The following BCAS3 variants were observed in gnomAD, a reference collection of about 807,000 sequenced individuals.
BCAS3 encodes BCAS3 microtubule associated cell migration factor.
Under a neutral mutation model 116.1 loss-of-function variants are expected in BCAS3, and 53 were observed. The ratio of observed to expected loss-of-function variants is 0.46; its 90% CI spans 0.37 to 0.57. BCAS3 has a LOEUF of 0.57. Ranked by LOEUF, BCAS3 falls within the 20% of genes least tolerant of loss-of-function variation. The pLI is 0.00. For synonymous variants in BCAS3, 391 were observed against 408.2 expected, an observed-to-expected ratio of 0.96 and a Z score of 0.51; for missense variants, 917 against 1,165.4, an observed-to-expected ratio of 0.79 and a Z score of 3.10.
At chr17:60,771,549 G>T (rs9906279) in intron 6 of BCAS3, among the ~76,000 whole-genome samples, 3 of 151,792 alleles carry the variant, frequency 2.0e-5, no homozygotes, top group Non-Finnish European at 4.4e-5. Flanking sequence ...TTAGTGACGG[G>T]TATCTTTTTT....
chr17:60,775,721 G>T (rs982232015), intron 6 of BCAS3, among the ~76,000 whole-genome samples: 1 of 152,110 alleles, frequency 6.6e-6, no homozygotes, highest in Non-Finnish European at 1.5e-5. Flanking sequence ...CAAAAACCGT[G>T]TGTGCAAAGG....
At chr17:60,735,229 A>G (rs984390033) in intron 5 of BCAS3, among the ~76,000 whole-genome samples, 8 of 151,986 alleles carry the variant, frequency 5.3e-5, no homozygotes, top group Admixed American at 2.0e-4. Flanking sequence ...AATCATTTGT[A>G]TTTTATACAT....
intron 22 of BCAS3, among the ~76,000 whole-genome samples, chr17:61,250,823 C>T (rs2048314670): frequency 6.6e-6 from 1 of 152,186 alleles, no homozygotes; most frequent in Non-Finnish European, 1.5e-5. Flanking sequence ...GAGTGATCAA[C>T]CAGGTAATCT....
rs1043363821 is a variant in BCAS3, at chr17:60,809,237, T to C, written c.476+1161T>C. On this transcript the variant is annotated intron_variant, in intron 7 of 23. Coordinates refer to ENST00000407086, the MANE Select transcript of BCAS3 (RefSeq NM_017679.5). ...AGGCAGAGGTTGCAGTGCACCACTG[T>C]ACTCCAGCCTGGGCAACAGTGAGAC... is the stretch of plus-strand genomic sequence containing the variant. Among the ~76,000 whole-genome samples, 39 of 148,914 alleles carry C rather than the reference T, an allele frequency of 2.6e-4. 1 individual carries two copies. The highest frequency in any genetic ancestry group is 8.8e-4 in the African/African-American group (35 of 39,950).
intron 22 of BCAS3, among the ~76,000 whole-genome samples, chr17:61,260,465 G>A (rs773141049): frequency 3.9e-5 from 6 of 152,194 alleles, no homozygotes; most frequent in South Asian, 4.1e-4. Flanking sequence ...CAATGGGAAC[G>A]TGTTATAAAA....
chr17:61,102,824 G>T (rs1431935884), intron 22 of BCAS3, among the ~76,000 whole-genome samples: 1 of 152,004 alleles, frequency 6.6e-6, no homozygotes, highest in Non-Finnish European at 1.5e-5. Flanking sequence ...ACATAACAAG[G>T]ACTCATTAAA....
At chr17:61,322,830 C>G (rs34580870) in intron 22 of BCAS3, among the ~76,000 whole-genome samples, 6,365 of 73,382 alleles carry the variant, frequency 0.087, 12 homozygotes, top group African/African-American at 0.12. Context: ...GAGAGAGAGA[C>G]AGAGAGAGAG....
chr17:60,687,711 C>G lies in BCAS3; in HGVS notation c.139-1975C>G, dbSNP rs1041454161. Among the ~76,000 whole-genome samples the G allele has an allele frequency of 8.6e-5, 13 of 151,988 alleles. No individual in the cohort carries two copies. The South Asian group carries it at 2.7e-3, about 32-fold the overall frequency. On this transcript the variant is annotated intron_variant, in intron 3 of 23. Transcript: ENST00000407086. ...CTGTGTCTTACTGAGAATAAAATATCTAAGCATGGGAAAAGGAGATCATAA... is the reference window on the plus strand; with the variant it reads ...CTGTGTCTTACTGAGAATAAAATATGTAAGCATGGGAAAAGGAGATCATAA...
chr17:60,913,405 AT>A (rs1228142194), intron 12 of BCAS3, among the ~76,000 whole-genome samples: 1 of 152,098 alleles, frequency 6.6e-6, no homozygotes, highest in African/African-American at 2.4e-5. Context: ...ATTTTAAAAA[AT>A]ATATATAATT....
At chr17:61,018,542 T>C (rs1371102958) in intron 16 of BCAS3, among the ~76,000 whole-genome samples, 1 of 152,102 alleles carries the variant, frequency 6.6e-6, no homozygotes, top group Non-Finnish European at 1.5e-5. Context: ...CCTCAAGTGA[T>C]CCACCTGCCT....
intron 7 of BCAS3, among the ~76,000 whole-genome samples, chr17:60,850,505 C>T (rs1007920015): frequency 6.6e-6 from 1 of 151,658 alleles, no homozygotes; most frequent in Non-Finnish European, 1.5e-5. Flanking sequence ...ATTACAGGCA[C>T]CCGCCACCAC....
intron 6 of BCAS3, among the ~76,000 whole-genome samples, chr17:60,790,768 G>A (rs1459589960): frequency 9.6e-5 from 12 of 125,340 alleles, no homozygotes; most frequent in African/African-American, 3.5e-4. Flanking sequence ...TTTTGAGATA[G>A]AGTCTTGCTC....
At chr17:61,240,331 CT>C (rs2144497680) in intron 22 of BCAS3, among the ~76,000 whole-genome samples, 1 of 152,262 alleles carries the variant, frequency 6.6e-6, no homozygotes, top group South Asian at 2.1e-4. Flanking sequence ...GGTCCATATT[CT>C]TTTCACTATA....
intron 15 of BCAS3, among the ~76,000 whole-genome samples, chr17:61,010,438 A>C (rs897399921): frequency 1.3e-5 from 2 of 151,884 alleles, no homozygotes; most frequent in African/African-American, 4.8e-5. Flanking sequence ...GATATCCTTT[A>C]TCCAAAAGGT....
At position 60,677,890 on chromosome 17, in the gene BCAS3, C is replaced by T. The variant is rs544934169; in HGVS notation, c.-30C>T. ...CAAACAGTGAGCCTAGAGCTGGAGA[C>T]TAGCGTTAACCGGCGGGGCGGCCGG... On this transcript the variant is annotated 5_prime_UTR_variant, in exon 1 of 24. Coordinates refer to ENST00000407086, the MANE Select transcript of BCAS3 (RefSeq NM_017679.5). 6.5e-6 allele frequency: 1 copy of T among 153,548 alleles called. No individual in the cohort carries two copies. 9.5% of individuals were successfully genotyped at this position (153,548 alleles called of 1,614,324 possible).
chr17:60,712,164 CAAAACA>C (rs149887243), intron 5 of BCAS3, among the ~76,000 whole-genome samples: 20 of 145,852 alleles, frequency 1.4e-4, no homozygotes, highest in Admixed American at 9.5e-4. Context: ...GACTCTGTCT[CAAAACA>C]AAAACAAAAA....
At chr17:61,005,902 T>A (rs1468536916) in intron 15 of BCAS3, among the ~76,000 whole-genome samples, 1 of 152,028 alleles carries the variant, frequency 6.6e-6, no homozygotes, top group African/African-American at 2.4e-5. Flanking sequence ...ACCCACTAAC[T>A]TGTCATCTAG....
intron 13 of BCAS3, among the ~76,000 whole-genome samples, chr17:60,945,889 G>A (rs998163879): frequency 6.6e-6 from 1 of 152,064 alleles, no homozygotes; most frequent in South Asian, 2.1e-4. Flanking sequence ...GGGAGGCTGA[G>A]TCCGGCGGAT....
chr17:61,067,281 A>G lies in BCAS3; in HGVS notation c.2030-7639A>G, dbSNP rs1230639093. ...TATTTATGTGTGTATGTGTATATAT[A>G]TATATATATATATATATATATATAT... is the stretch of plus-strand genomic sequence containing the variant. On this transcript the variant is annotated intron_variant, in intron 19 of 23. Coordinates refer to ENST00000407086, the MANE Select transcript of BCAS3 (RefSeq NM_017679.5). Among the ~76,000 whole-genome samples, 288 of 112,374 alleles carry G rather than the reference A, an allele frequency of 2.6e-3. 8 individuals carry two copies. Among genetic ancestry groups the G allele is most frequent in the African/African-American group, 0.011 (281 of 26,078 alleles). The allele number at this position is 112,374 out of a possible 152,430, so 73.7% of individuals were successfully genotyped here. A position where few individuals can be genotyped will look rare whatever the true frequency, so the allele number is the denominator to read the frequency against.
Sources: allele counts gnomAD v4.1 joint callset (sites outside exome capture counted in the v4.1 genomes callset), GRCh38; gene constraint gnomAD v4.1.1; transcripts MANE v1.5; gene names NCBI Gene and HGNC (gene_info 2026-07-23, HGNC 2026-07-21).